FGF12: variants seen among roughly 807,000 people sequenced by gnomAD.
FGF12 encodes the protein fibroblast growth factor 12, also known as fibroblast growth factor 12B.
FGF12 carries 14 observed loss-of-function variants against 23.6 expected under a neutral mutation model. The ratio of observed to expected loss-of-function variants is 0.59; its 90% CI spans 0.39 to 0.93. FGF12 has a LOEUF of 0.93. Ranked by LOEUF, FGF12 falls within the 40% of genes least tolerant of loss-of-function variation. The probability of loss-of-function intolerance (pLI) is 0.00; values close to 1 mark genes in which losing one functional copy is unlikely to be tolerated. For synonymous variants in FGF12, 62 were observed against 77.3 expected, an observed-to-expected ratio of 0.80 and a Z score of 1.04; for missense variants, 175 against 217.8, an observed-to-expected ratio of 0.80 and a Z score of 1.24.
At chr3:192,471,651 A>C (rs1723175781) in intron 2 of FGF12, among the ~76,000 whole-genome samples, 1 of 152,220 alleles carries the variant, frequency 6.6e-6, no homozygotes, top group African/African-American at 2.4e-5. Flanking sequence ...TGTTGATTTC[A>C]AATCTACTAT....
chr3:192,564,044 TTTGTTTGTTTTTTGTTTTTG>T (rs1712162155), intron 2 of FGF12, among the ~76,000 whole-genome samples: 1 of 151,350 alleles, frequency 6.6e-6, no homozygotes, highest in Non-Finnish European at 1.5e-5. Context: ...TTTGTTTTTT[TTTGTTTGTTTTTTGTTTTTG>T]TTTGTTTGTT....
At chr3:192,448,920 C>A (rs986090401) in intron 2 of FGF12, among the ~76,000 whole-genome samples, 1 of 152,194 alleles carries the variant, frequency 6.6e-6, no homozygotes, top group Admixed American at 6.5e-5. Flanking sequence ...AGCAGACTTG[C>A]TGCAGCAGAA....
At chr3:192,214,369 C>A (rs1718086119) in intron 4 of FGF12, among the ~76,000 whole-genome samples, 1 of 152,206 alleles carries the variant, frequency 6.6e-6, no homozygotes, top group South Asian at 2.1e-4. Context: ...AGTAACATTT[C>A]TTCCATGAAT....
rs142917068 is a variant in FGF12 at position 192,653,418 on chromosome 3, C to T, written c.13+73763G>A. Among the ~76,000 whole-genome samples, 465 of 152,280 alleles carry T rather than the reference C, an allele frequency of 3.1e-3. 5 individuals carry two copies. Among genetic ancestry groups the T allele is most frequent in the African/African-American group, 0.011 (449 of 41,568 alleles). Reference sequence around the variant, plus strand: ...TCTTCCTGGAATGCTCAGCCAGCCTCGCTTTCTGTGCCCATCAAAATCTGT... The same window carrying T: ...TCTTCCTGGAATGCTCAGCCAGCCTTGCTTTCTGTGCCCATCAAAATCTGT... On this transcript the variant is annotated intron_variant, in intron 2 of 5. Coordinates refer to ENST00000445105, the MANE Select transcript of FGF12 (RefSeq NM_004113.6).
At chr3:192,270,466 A>T (rs532660098) in intron 4 of FGF12, among the ~76,000 whole-genome samples, 2 of 152,286 alleles carry the variant, frequency 1.3e-5, no homozygotes, top group South Asian at 4.1e-4. Flanking sequence ...AAAGAAAAGA[A>T]AAATAATTCA....
At chr3:192,676,990 G>A (rs1193118975) in intron 2 of FGF12, among the ~76,000 whole-genome samples, 1 of 152,220 alleles carries the variant, frequency 6.6e-6, no homozygotes, top group African/African-American at 2.4e-5. Context: ...AACGAATTCG[G>A]TGAGTTTGAG....
chr3:192,633,309 G>C lies in FGF12; in HGVS notation c.13+93872C>G, dbSNP rs138576808. Among the ~76,000 whole-genome samples the C allele has an allele frequency of 4.6e-5, 7 of 152,226 alleles. No homozygotes were observed. In the East Asian group the frequency reaches 1.4e-3, roughly 29 times the overall value. ...GATCCGCCTGCCTCTGCCTCCCAAA[G>C]TGTTGGGATTACAGGTGTGAGCCCT... On this transcript the variant is annotated intron_variant, in intron 2 of 5. Transcript: ENST00000445105.
intron 3 of FGF12, among the ~76,000 whole-genome samples, chr3:192,347,759 T>C (rs1419941158): frequency 5.9e-5 from 9 of 152,182 alleles, no homozygotes; most frequent in Admixed American, 5.9e-4. Flanking sequence ...TTGTCAAAGC[T>C]CTGCTCAAGT....
chr3:192,390,717 C>T (rs1720252737), intron 2 of FGF12, among the ~76,000 whole-genome samples: 4 of 152,062 alleles, frequency 2.6e-5, no homozygotes, highest in South Asian at 4.1e-4. Context: ...TAGAGTAAAA[C>T]GTTACAGAGA....
intron 5 of FGF12, among the ~76,000 whole-genome samples, chr3:192,149,206 G>A (rs945988493): frequency 3.3e-5 from 5 of 152,158 alleles, no homozygotes; most frequent in Non-Finnish European, 7.4e-5. Context: ...GTAGAAAAAT[G>A]TCTAGGTTTA....
At chr3:192,199,946 A>C (rs1188802196) in intron 4 of FGF12, among the ~76,000 whole-genome samples, 4 of 152,182 alleles carry the variant, frequency 2.6e-5, no homozygotes, top group Non-Finnish European at 4.4e-5. Flanking sequence ...AGGGATTTTC[A>C]AGTCGATTTC....
At chr3:192,594,167 G>A (rs895068816) in intron 2 of FGF12, among the ~76,000 whole-genome samples, 1 of 151,746 alleles carries the variant, frequency 6.6e-6, no homozygotes, top group Admixed American at 6.6e-5. Flanking sequence ...TGAAACACGG[G>A]GTGCATAACT....
intron 4 of FGF12, among the ~76,000 whole-genome samples, chr3:192,224,670 T>G (rs1718641758): frequency 6.6e-6 from 1 of 152,120 alleles, no homozygotes; most frequent in South Asian, 2.1e-4. Context: ...ATGTTTTCAT[T>G]TTTATAATGA....
chr3:192,470,037 G>C (rs941726574), intron 2 of FGF12, among the ~76,000 whole-genome samples: 6 of 152,132 alleles, frequency 3.9e-5, no homozygotes, highest in Non-Finnish European at 7.4e-5. Context: ...CATTTTCACT[G>C]AACCAAGATA....
At chr3:192,540,651 C>T (rs1325245245) in intron 2 of FGF12, among the ~76,000 whole-genome samples, 6 of 152,076 alleles carry the variant, frequency 3.9e-5, no homozygotes, top group African/African-American at 1.4e-4. Flanking sequence ...ACATTAGGTT[C>T]ATTTGGTGTA....
chr3:192,407,545 G>T (rs1182417474), intron 2 of FGF12, among the ~76,000 whole-genome samples: 2 of 152,182 alleles, frequency 1.3e-5, no homozygotes, highest in African/African-American at 4.8e-5. Flanking sequence ...TTCATCTGGT[G>T]TCTACTAGGT....
At chr3:192,669,979 T>C (rs1717049453) in intron 2 of FGF12, among the ~76,000 whole-genome samples, 1 of 152,240 alleles carries the variant, frequency 6.6e-6, no homozygotes, top group Non-Finnish European at 1.5e-5. Context: ...CTTTTGTCTC[T>C]AATCTTTAAG....
intron 4 of FGF12, 67 bp downstream of exon 4, chr3:192,335,294 G>T: frequency 9.8e-7 from 1 of 1,019,800 alleles, no homozygotes; most frequent in Non-Finnish European, 1.5e-6. Context: ...TAACATGATG[G>T]TTACTCCATT....
chr3:192,578,635 T>C (rs773803658), intron 2 of FGF12, among the ~76,000 whole-genome samples: 2 of 152,192 alleles, frequency 1.3e-5, no homozygotes, highest in Admixed American at 6.5e-5. Context: ...GTAATAGATA[T>C]TCTTCTGCTA....
Sources: allele counts gnomAD v4.1 joint callset (sites outside exome capture counted in the v4.1 genomes callset), GRCh38; gene constraint gnomAD v4.1.1; transcripts MANE v1.5; gene names NCBI Gene and HGNC (gene_info 2026-07-23, HGNC 2026-07-21).